PTPRK: variants seen among roughly 807,000 people sequenced by gnomAD.
The protein encoded by PTPRK is receptor-type tyrosine-protein phosphatase kappa.
In PTPRK, 75 loss-of-function variants were observed where a neutral mutation model predicts 178.0. That is an observed-to-expected ratio of 0.42 (90% CI 0.35 to 0.51). The LOEUF is 0.51. PTPRK is among the 20% of genes least tolerant of loss of function. The pLI is 0.02. For missense variants in PTPRK, 1,441 were observed against 1,797.8 expected (o/e 0.80, Z 3.59); for synonymous variants, 637 against 620.6 (o/e 1.03, Z -0.39).
chr6:127,986,138 C>T (rs1775951041), intron 21 of PTPRK, among the ~76,000 whole-genome samples: 1 of 152,040 alleles, frequency 6.6e-6, no homozygotes, highest in Non-Finnish European at 1.5e-5. Flanking sequence ...ATTTTATTTA[C>T]TTTGACAGCT....
At chr6:128,030,072 T>C (rs1178279450) in intron 13 of PTPRK, among the ~76,000 whole-genome samples, 1 of 152,140 alleles carries the variant, frequency 6.6e-6, no homozygotes, top group Non-Finnish European at 1.5e-5. Context: ...GTTGACCTAA[T>C]GAAGTGAGGG....
chr6:128,421,530 A>C (rs1281584656), intron 1 of PTPRK, among the ~76,000 whole-genome samples: 5 of 152,200 alleles, frequency 3.3e-5, no homozygotes, highest in African/African-American at 1.2e-4. Context: ...AACTCGTTGA[A>C]TATAAGAACA....
intron 3 of PTPRK, among the ~76,000 whole-genome samples, chr6:128,248,962 G>A (rs1815980119): frequency 6.6e-6 from 1 of 152,128 alleles, no homozygotes; most frequent in South Asian, 2.1e-4. Context: ...TGTGAAACAG[G>A]ATAAAATCCA....
At chr6:128,068,458 G>A (rs1782218692) in intron 11 of PTPRK, among the ~76,000 whole-genome samples, 1 of 152,132 alleles carries the variant, frequency 6.6e-6, no homozygotes, top group Non-Finnish European at 1.5e-5. Context: ...ACAAATTGTA[G>A]AAACAGATGG....
In PTPRK at chr6:128,484,690, A is replaced by T. The variant is rs571025419; in HGVS notation, c.100+35569T>A. On this transcript the variant is annotated intron_variant, in intron 1 of 29. Coordinates refer to ENST00000368226, the MANE Select transcript of PTPRK (RefSeq NM_002844.4). ...ATTTTGTTAATGCTTTATTTTAAAAACAAAGTGTTGAGAAAATGTTGAATT... is the reference window on the plus strand; with the variant it reads ...ATTTTGTTAATGCTTTATTTTAAAATCAAAGTGTTGAGAAAATGTTGAATT... Among the ~76,000 whole-genome samples the T allele has an allele frequency of 2.0e-5, 3 of 152,356 alleles. No individual in the cohort carries two copies. The South Asian group carries it at 6.2e-4, about 32-fold the overall frequency.
At chr6:128,074,746 G>A (rs1783476281) in intron 11 of PTPRK, among the ~76,000 whole-genome samples, 1 of 152,040 alleles carries the variant, frequency 6.6e-6, no homozygotes, top group Non-Finnish European at 1.5e-5. Flanking sequence ...TTAGCATAGG[G>A]AAGCAGTAAT....
intron 13 of PTPRK, among the ~76,000 whole-genome samples, chr6:128,031,234 GC>G (rs1775276994): frequency 6.6e-6 from 1 of 152,104 alleles, no homozygotes; most frequent in African/African-American, 2.4e-5. Context: ...TATAGTTTGG[GC>G]AACCTAGATT....
chr6:128,373,975 G>A (rs1178168871), intron 2 of PTPRK, among the ~76,000 whole-genome samples: 2 of 152,122 alleles, frequency 1.3e-5, no homozygotes, highest in Non-Finnish European at 2.9e-5. Flanking sequence ...AAATACAGAT[G>A]TAGCCCCCAT....
At chr6:128,058,745 G>C (rs1780322550) in intron 13 of PTPRK, among the ~76,000 whole-genome samples, 1 of 150,628 alleles carries the variant, frequency 6.6e-6, no homozygotes, top group Non-Finnish European at 1.5e-5. Flanking sequence ...TTTTTTTTCT[G>C]GTGGAGGATG....
chr6:128,474,312 G>A (rs1286480311), intron 1 of PTPRK, among the ~76,000 whole-genome samples: 1 of 151,852 alleles, frequency 6.6e-6, no homozygotes. Flanking sequence ...TCATATGAAA[G>A]AAACATCAGA....
At chr6:128,213,419 G>A (rs980070179) in intron 6 of PTPRK, among the ~76,000 whole-genome samples, 1 of 151,924 alleles carries the variant, frequency 6.6e-6, no homozygotes, top group African/African-American at 2.4e-5. Context: ...ATATTTAGGG[G>A]TTTTGGGGGG....
intron 24 of PTPRK, among the ~76,000 whole-genome samples, chr6:127,982,496 G>C (rs964248664): frequency 6.6e-6 from 1 of 152,040 alleles, no homozygotes; most frequent in African/African-American, 2.4e-5. Context: ...GGATGGTCTC[G>C]ATCTCCTGAC....
At position 128,219,016 on chromosome 6, in the gene PTPRK, T is replaced by G; in HGVS notation, c.774A>C (p.Gln258His). Residue 258 changes from glutamine to histidine, a missense_variant, in exon 6 of 30, where the codon CAA becomes CAC. Physicochemically the swap from Gln to His is conservative, Grantham distance 24. Transcript: ENST00000368226. Reference sequence around the variant, plus strand: ...AATCCTGGTCAGTTTTTGTCACTTCTTGCAATCTGAAGGAAGCGGCAAACC... The same window carrying G: ...AATCCTGGTCAGTTTTTGTCACTTCGTGCAATCTGAAGGAAGCGGCAAACC... ...HRRFAASFRL[Q>H]EVTKTDQDLY... is the part of the protein sequence containing the mutation. 1 of 1,614,004 alleles carries G rather than the reference T, an allele frequency of 6.2e-7. No homozygotes were observed. The highest frequency in any genetic ancestry group is 2.2e-5 in the East Asian group (1 of 44,868).
intron 11 of PTPRK, among the ~76,000 whole-genome samples, chr6:128,074,513 A>C (rs2114970036): frequency 6.6e-6 from 1 of 152,198 alleles, no homozygotes; most frequent in Middle Eastern, 3.4e-3. Context: ...GGAATTATGT[A>C]TTCTAGGGAA....
chr6:128,255,753 G>A (rs1436556845), intron 3 of PTPRK, among the ~76,000 whole-genome samples: 1 of 152,180 alleles, frequency 6.6e-6, no homozygotes, highest in South Asian at 2.1e-4. Context: ...AAACTCTGTG[G>A]GTGGGACCCA....
At chr6:128,193,440 C>A (rs1340991522) in intron 6 of PTPRK, among the ~76,000 whole-genome samples, 1 of 151,672 alleles carries the variant, frequency 6.6e-6, no homozygotes, top group East Asian at 1.9e-4. Flanking sequence ...TACACAAGAT[C>A]AATAAGAAAT....
chr6:128,487,571 G>A (rs1393277052), intron 1 of PTPRK, among the ~76,000 whole-genome samples: 1 of 151,924 alleles, frequency 6.6e-6, no homozygotes, highest in African/African-American at 2.4e-5. Flanking sequence ...TTCCAGGGCG[G>A]GTCCAGCAGC....
intron 7 of PTPRK, among the ~76,000 whole-genome samples, chr6:128,162,810 C>G (rs771328320): frequency 6.6e-6 from 1 of 151,544 alleles, no homozygotes; most frequent in Non-Finnish European, 1.5e-5. Flanking sequence ...CACTGATAGG[C>G]TTTTGTGCCT....
intron 7 of PTPRK, 47 bp downstream of exon 7, chr6:128,184,385 T>C (rs375611919): frequency 1.1e-4 from 172 of 1,567,480 alleles, no homozygotes; most frequent in Middle Eastern, 5.8e-4. Context: ...ATGTGTCTTA[T>C]GCTAGATTCC....
Sources: gnomAD v4.1 joint callset for allele counts (sites outside exome capture counted in the v4.1 genomes callset) on GRCh38, gnomAD v4.1.1 for gene constraint, MANE v1.5 for transcripts, NCBI Gene and HGNC (gene_info 2026-07-23, HGNC 2026-07-21) for gene names.